Variants in CTNNA2 observed in about 807,000 individuals in gnomAD.
CTNNA2 encodes the protein catenin alpha 2, also known as catenin alpha-2.
Under a neutral mutation model 101.0 loss-of-function variants are expected in CTNNA2, and 42 were observed. The observed-to-expected ratio is 0.42, with a 90% CI of 0.32 to 0.54. CTNNA2 has a LOEUF of 0.54. Among genes scored for constraint, CTNNA2 ranks in the 20% least tolerant of loss-of-function variants. CTNNA2 has a pLI of 0.14. For synonymous variants in CTNNA2, 450 were observed against 456.4 expected (o/e 0.99, Z 0.18); for missense variants, 871 against 1,223.1 (o/e 0.71, Z 4.29).
intron 6 of CTNNA2, among the ~76,000 whole-genome samples, chr2:79,908,312 T>C (rs976376348): frequency 6.6e-6 from 1 of 152,112 alleles, no homozygotes; most frequent in Non-Finnish European, 1.5e-5. Flanking sequence ...CTCTTTAAAT[T>C]TGGTGAATAT....
chr2:80,538,477 G>T (rs1022627720), intron 9 of CTNNA2, among the ~76,000 whole-genome samples: 1 of 152,070 alleles, frequency 6.6e-6, no homozygotes, highest in African/African-American at 2.4e-5. Context: ...TTTATTAAAT[G>T]GGGAATCCTT....
chr2:80,363,642 A>G (rs1674633579), intron 7 of CTNNA2, among the ~76,000 whole-genome samples: 15 of 152,170 alleles, frequency 9.9e-5, no homozygotes, highest in Admixed American at 9.8e-4. Flanking sequence ...GTCCTGCCAC[A>G]TTCTTATAAT....
intron 9 of CTNNA2, among the ~76,000 whole-genome samples, chr2:80,446,963 A>G (rs1463350525): frequency 3.3e-5 from 5 of 152,148 alleles, no homozygotes; most frequent in African/African-American, 1.2e-4. Flanking sequence ...GATTGCACCA[A>G]CATTTCTTAA....
At chr2:80,014,745 A>T (rs1006366673) in intron 7 of CTNNA2, among the ~76,000 whole-genome samples, 4 of 152,216 alleles carry the variant, frequency 2.6e-5, no homozygotes, top group Admixed American at 1.3e-4. Flanking sequence ...CATGAAACAA[A>T]GAAATTTGCA....
intron 7 of CTNNA2, among the ~76,000 whole-genome samples, chr2:80,021,034 C>A (rs1694525406): frequency 1.6e-5 from 2 of 124,314 alleles, no homozygotes; most frequent in African/African-American, 6.6e-5. Flanking sequence ...CAAGTTCTGG[C>A]TCTGTCGCCC....
At chr2:79,651,745 A>G in intron 2 of CTNNA2, 87 bp downstream of exon 2, 1 of 1,088,654 alleles carries the variant, frequency 9.2e-7, no homozygotes, top group Non-Finnish European at 1.4e-6. Context: ...GACATCCTTA[A>G]AAGAGAATAA....
chr2:80,440,701 G>T (rs978231733), intron 9 of CTNNA2, among the ~76,000 whole-genome samples: 1 of 152,142 alleles, frequency 6.6e-6, no homozygotes, highest in Non-Finnish European at 1.5e-5. Context: ...TGAAAAAAAG[G>T]CATTACGGGA....
At chr2:79,427,728 T>C (rs1678608085) in intron 4 of CTNNA2, among the ~76,000 whole-genome samples, 1 of 152,058 alleles carries the variant, frequency 6.6e-6, no homozygotes, top group Non-Finnish European at 1.5e-5. Context: ...CTCCTGGTTG[T>C]CATCTTCCGT....
At chr2:80,405,168 A>G (rs6757295) in intron 8 of CTNNA2, among the ~76,000 whole-genome samples, 28,530 of 152,128 alleles carry the variant, frequency 0.19, 3,578 homozygotes, top group African/African-American at 0.36. Context: ...AAGGTCAGAA[A>G]AGTAAAGCTG....
At chr2:79,486,133 T>C in intron 4 of CTNNA2, among the ~76,000 whole-genome samples, 1 of 152,094 alleles carries the variant, frequency 6.6e-6, no homozygotes, top group Non-Finnish European at 1.5e-5. Context: ...TGCAGGTTTG[T>C]TATATATGTA....
chr2:79,500,709 G>C (rs1305338229), intron 4 of CTNNA2: 1 of 152,194 alleles, frequency 6.6e-6, no homozygotes, highest in Non-Finnish European at 1.5e-5. Context: ...TGTCTCACGG[G>C]AGAAGCTATT....
intron 6 of CTNNA2, among the ~76,000 whole-genome samples, chr2:79,878,895 C>T (rs1683217127): frequency 6.6e-6 from 1 of 152,094 alleles, no homozygotes; most frequent in Non-Finnish European, 1.5e-5. Flanking sequence ...AGTCTTTGCC[C>T]ATGCCTATTT....
At chr2:80,257,639 T>C (rs1672276394) in intron 7 of CTNNA2, among the ~76,000 whole-genome samples, 1 of 152,192 alleles carries the variant, frequency 6.6e-6, no homozygotes, top group South Asian at 2.1e-4. Context: ...CATCAATCCA[T>C]GGATGGTGTG....
At chr2:79,897,365 G>T (rs993070866) in intron 6 of CTNNA2, among the ~76,000 whole-genome samples, 1 of 151,640 alleles carries the variant, frequency 6.6e-6, no homozygotes, top group African/African-American at 2.4e-5. Flanking sequence ...AAGTCTCGAT[G>T]AAGGAAATGG....
chr2:79,705,866 T>C (rs1323714133), intron 2 of CTNNA2, among the ~76,000 whole-genome samples: 2 of 152,134 alleles, frequency 1.3e-5, no homozygotes, highest in African/African-American at 4.8e-5. Flanking sequence ...GCTATCCAGC[T>C]GGGGAGATTA....
In CTNNA2 at chr2:80,234,130, T is replaced by C. The variant is rs1326476637; in HGVS notation, c.1057-159081T>C. On this transcript the variant is annotated intron_variant, in intron 7 of 18. Transcript: ENST00000402739. ...GGCACCATCTTGGCTCACTGCAACC[T>C]CCACCTCCCTGGTTCAAGCAATTCT... 3.3e-5 allele frequency among the ~76,000 whole-genome samples: 5 copies of C among 151,950 alleles called. No individual in the cohort carries two copies. In the East Asian group the frequency reaches 9.7e-4, roughly 29 times the overall value.
rs1174964009 is a variant in CTNNA2, at chr2:80,327,186, T to C, written c.1057-66025T>C. Reference sequence around the variant, plus strand: ...GAAAAGAATAGCTGCTACTCTTTTATTAAAGGAAAAGTTAATGATCACAGG... The same window carrying C: ...GAAAAGAATAGCTGCTACTCTTTTACTAAAGGAAAAGTTAATGATCACAGG... On this transcript the variant is annotated intron_variant, in intron 7 of 18. Coordinates refer to ENST00000402739, the MANE Select transcript of CTNNA2 (RefSeq NM_001282597.3). Among the ~76,000 whole-genome samples the C allele has an allele frequency of 2.6e-5, 4 of 152,216 alleles. 1 individual carries two copies. The South Asian group carries it at 8.3e-4, about 32-fold the overall frequency.
At chr2:79,835,736 A>AATTCTCCT (rs1237791607) in intron 3 of CTNNA2, among the ~76,000 whole-genome samples, 2 of 121,642 alleles carry the variant, frequency 1.6e-5, no homozygotes, top group Non-Finnish European at 3.1e-5. Context: ...GGATTCAAGC[A>AATTCTCCT]ATTCTCCTGC....
intron 6 of CTNNA2, among the ~76,000 whole-genome samples, chr2:79,880,640 A>G (rs1436005322): frequency 6.6e-6 from 1 of 152,156 alleles, no homozygotes; most frequent in African/African-American, 2.4e-5. Context: ...GGTAGTTTGT[A>G]TTTCTGTGGG....
Sources: allele counts gnomAD v4.1 joint callset (sites outside exome capture counted in the v4.1 genomes callset), GRCh38; gene constraint gnomAD v4.1.1; transcripts MANE v1.5; gene names NCBI Gene and HGNC (gene_info 2026-07-23, HGNC 2026-07-21).